Variants in ZNF691 observed in about 807,000 individuals in gnomAD.
The protein encoded by ZNF691 is zinc finger protein 691.
A neutral mutation model predicts 24.1 loss-of-function variants in ZNF691; 11 were observed. The ratio of observed to expected loss-of-function variants is 0.46; its 90% CI spans 0.29 to 0.75. The LOEUF (loss-of-function observed/expected upper bound fraction) is 0.75. ZNF691 is among the 30% of genes least tolerant of loss of function. The probability of loss-of-function intolerance (pLI) is 0.11; values close to 1 mark genes in which losing one functional copy is unlikely to be tolerated. For synonymous variants in ZNF691, 149 were observed against 153.9 expected, an observed-to-expected ratio of 0.97 and a Z score of 0.23; for missense variants, 356 against 409.0, an observed-to-expected ratio of 0.87 and a Z score of 1.12.
At position 42,851,327 on chromosome 1, in the gene ZNF691, A is replaced by G; in HGVS notation, c.462A>G (p.Arg154=). Residue 154 remains arginine (R), a synonymous_variant, in exon 4 of 4, where the codon AGA becomes AGG. Transcript: ENST00000651192. This position sits in a 1 kb window ranked among gnomAD's most constrained non-coding sequence, Gnocchi z 4.7. ...KCSECGKSFS[R]SSNRIRHERI... Reference sequence around the variant, plus strand: ...CTGAATGTGGCAAGAGCTTCTCGAGAAGCTCCAACCGCATCCGGCACGAGC... The same window carrying G: ...CTGAATGTGGCAAGAGCTTCTCGAGGAGCTCCAACCGCATCCGGCACGAGC... The G allele has an allele frequency of 6.2e-7, 1 of 1,613,700 alleles. No individual in the cohort carries two copies. The highest frequency in any genetic ancestry group is 1.3e-5 in the African/African-American group (1 of 74,850).
In ZNF691 at chr1:42,851,631, G is replaced by A; in HGVS notation, c.766G>A (p.Glu256Lys). 1 of 1,613,988 alleles carries A rather than the reference G, an allele frequency of 6.2e-7. No individual in the cohort carries two copies. The highest frequency in any genetic ancestry group is 8.5e-7 in the Non-Finnish European group (1 of 1,179,986). ...HRTHTGERPYECTECGRTFSD... is the reference protein window; with the variant it reads ...HRTHTGERPYKCTECGRTFSD... ...CACCCACACAGGTGAGAGACCTTAT[G>A]AGTGCACTGAGTGTGGGCGGACCTT... The change falls in exon 4 of 4, where the codon GAG becomes AAG. Residue 256 changes from glutamate to lysine, a missense_variant. Glu to Lys is a moderately conservative substitution (Grantham distance 56, BLOSUM62 1). Coordinates refer to ENST00000651192, the MANE Select transcript of ZNF691 (RefSeq NM_001242739.2). The surrounding 1 kb of genome is among the most constrained non-coding windows in gnomAD (Gnocchi z 4.7).
rs745389354 is a variant in ZNF691 at position 42,851,307 on chromosome 1, T to C, written c.442T>C (p.Cys148Arg). 71 of 1,613,932 alleles carry C rather than the reference T, an allele frequency of 4.4e-5. No homozygotes were observed. The highest frequency in any genetic ancestry group is 5.3e-5 in the Non-Finnish European group (63 of 1,180,026). ...TGEKPYKCSE[C>R]GKSFSRSSNR... ...TGAGAAGCCTTACAAGTGTTCTGAA[T>C]GTGGCAAGAGCTTCTCGAGAAGCTC... The change falls in exon 4 of 4, where the codon TGT becomes CGT. Residue 148 changes from cysteine to arginine, a missense_variant. Cys to Arg is a radical substitution (Grantham distance 180, BLOSUM62 -3). Transcript: ENST00000651192. This position sits in a 1 kb window ranked among gnomAD's most constrained non-coding sequence, Gnocchi z 4.7.
chr1:42,851,253 C>G lies in ZNF691; in HGVS notation c.388C>G (p.Leu130Val), dbSNP rs201006442. The G allele has an allele frequency of 3.5e-4, 568 of 1,613,590 alleles. No individual in the cohort carries two copies. Among genetic ancestry groups the G allele is most frequent in the Non-Finnish European group, 4.6e-4 (542 of 1,179,950 alleles). ...CGKTFNNTSN[L>V]RTHQRIHTGE... ...CAAAACCTTCAATAATACCTCCAAC[C>G]TGAGAACACACCAGCGGATCCACAC... Residue 130 changes from leucine (L) to valine (V), a missense_variant, in exon 4 of 4, where the codon CTG becomes GTG. Leu to Val is a conservative substitution (Grantham distance 32). Transcript: ENST00000651192. This position sits in a 1 kb window ranked among gnomAD's most constrained non-coding sequence, Gnocchi z 4.7.
At chr1:42,846,943 C>G (rs1379037996) in intron 1 of ZNF691, among the ~76,000 whole-genome samples, 1 of 152,196 alleles carries the variant, frequency 6.6e-6, no homozygotes, top group Non-Finnish European at 1.5e-5. Context: ...AGCCCCTCCT[C>G]CTCTCCCACC....
In ZNF691 at chr1:42,851,971, C is replaced by T. The variant is rs758944143; in HGVS notation, c.*158C>T. The T allele has an allele frequency of 2.1e-5, 24 of 1,157,438 alleles. No individual in the cohort carries two copies. The South Asian group carries it at 3.2e-4, about 15-fold the overall frequency. 71.7% of individuals were successfully genotyped at this position (1,157,438 alleles called of 1,614,324 possible). A position where few individuals can be genotyped will look rare whatever the true frequency, so the allele number is the denominator to read the frequency against. ...CTCTGAAGTCAGGATCTCAGGAAGT[C>T]CTGAGGAGGGACTCTGGAATAAAAA... On this transcript the variant is annotated 3_prime_UTR_variant, in exon 4 of 4. Transcript: ENST00000651192. This position sits in a 1 kb window ranked among gnomAD's most constrained non-coding sequence, Gnocchi z 4.7.
In ZNF691 at chr1:42,849,318, G is replaced by C. The variant is rs1197741691; in HGVS notation, c.-190G>C. On this transcript the variant is annotated 5_prime_UTR_variant, in exon 2 of 4. Transcript: ENST00000651192. ...CCTGGACGTAGTGTCTTCAACAGTT[G>C]TAACAGCAGCTGCCATTTGCTGAAT... The C allele has an allele frequency of 2.0e-6, 1 of 496,012 alleles. No homozygotes were observed. Among genetic ancestry groups the C allele is most frequent in the Non-Finnish European group, 3.9e-6 (1 of 253,696 alleles). The allele number at this position is 496,012 out of a possible 1,614,324, so 30.7% of individuals were successfully genotyped here.
intron 3 of ZNF691, chr1:42,850,555 AAG>A: frequency 6.8e-7 from 1 of 1,478,470 alleles, no homozygotes; most frequent in Non-Finnish European, 8.9e-7. Context: ...TAAACATAAA[AAG>A]AGTTACAGTT....
chr1:42,851,495 G>A lies in ZNF691; in HGVS notation c.630G>A (p.Gln210=). 6.2e-7 allele frequency: 1 copy of A among 1,614,246 alleles called. No homozygotes were observed. The highest frequency in any genetic ancestry group is 8.5e-7 in the Non-Finnish European group (1 of 1,180,048). The change falls in exon 4 of 4, where the codon CAG becomes CAA. Residue 210 remains glutamine, a synonymous_variant. Transcript: ENST00000651192. This position sits in a 1 kb window ranked among gnomAD's most constrained non-coding sequence, Gnocchi z 4.7. ...ACATCTGTGGCAAGAGCTTCAGCCAGAGTGCCACGCTAGCTGTGCATCACC... is the reference window on the plus strand; with the variant it reads ...ACATCTGTGGCAAGAGCTTCAGCCAAAGTGCCACGCTAGCTGTGCATCACC... The part of the protein sequence containing the change: ...RCDICGKSFS[Q]SATLAVHHRT...
chr1:42,849,638 C>T lies in ZNF691; in HGVS notation c.-21C>T. 1 of 1,531,386 alleles carries T rather than the reference C, an allele frequency of 6.5e-7. No individual in the cohort carries two copies. Among genetic ancestry groups the T allele is most frequent in the Non-Finnish European group, 8.9e-7 (1 of 1,129,188 alleles). The allele number at this position is 1,531,386 out of a possible 1,614,324, so 94.9% of individuals were successfully genotyped here. A position where few individuals can be genotyped will look rare whatever the true frequency, so the allele number is the denominator to read the frequency against. ...CAGTGTCCTATGATAGTTTGTGCTT[C>T]CCTCCCTCATCCCTTTGTTCATGTC... is the stretch of plus-strand genomic sequence containing the variant. On this transcript the variant is annotated 5_prime_UTR_variant, in exon 3 of 4. Transcript: ENST00000651192.
At position 42,850,959 on chromosome 1, in the gene ZNF691, A is replaced by C; in HGVS notation, c.94A>C (p.Met32Leu). Residue 32 changes from methionine to leucine, a missense_variant, in exon 4 of 4, where the codon ATG becomes CTG. Physicochemically the swap from Met to Leu is conservative, Grantham distance 15. Transcript: ENST00000651192. ...TTGTGTTCATTCTCAGGGTTCAGAG[A>C]TGGGCAGTGAGAAGGAGCAGAGTCC... Reference protein sequence around the residue: ...MLPLSSEGSEMGSEKEQSPEP... With the variant: ...MLPLSSEGSELGSEKEQSPEP... 5 of 1,535,508 alleles carry C rather than the reference A, an allele frequency of 3.3e-6. No homozygotes were observed. The highest frequency in any genetic ancestry group is 4.4e-6 in the Non-Finnish European group (5 of 1,145,958).
chr1:42,846,662 G>T lies in ZNF691; in HGVS notation c.-218+5G>T, dbSNP rs1655244256. 1 of 152,502 alleles carries T rather than the reference G, an allele frequency of 6.6e-6. No homozygotes were observed. Among genetic ancestry groups the T allele is most frequent in the Admixed American group, 6.5e-5 (1 of 15,288 alleles). The allele number at this position is 152,502 out of a possible 1,614,324, so 9.4% of individuals were successfully genotyped here. Reference sequence around the variant, plus strand: ...TGATCGAGCGGCGGGAGCGAGGTGGGTCCGGGTTGGGCCCGAGGTCGCGGG... The same window carrying T: ...TGATCGAGCGGCGGGAGCGAGGTGGTTCCGGGTTGGGCCCGAGGTCGCGGG... On this transcript the variant is annotated splice_donor_5th_base_variant and intron_variant, in intron 1 of 3. Coordinates refer to ENST00000651192, the MANE Select transcript of ZNF691 (RefSeq NM_001242739.2).
chr1:42,850,504 A>G (rs1003140483), intron 3 of ZNF691: 12 of 985,454 alleles, frequency 1.2e-5, no homozygotes, highest in East Asian at 1.1e-4. Flanking sequence ...GAAAGCAGGC[A>G]TATAGGTAGA....
At position 42,851,579 on chromosome 1, in the gene ZNF691, C is replaced by T. The variant is rs1169744424; in HGVS notation, c.714C>T (p.Asn238=). ...ICCECGKSFS[N]SSSFGVHHRT... is the part of the protein sequence containing the mutation. ...GTGAGTGTGGGAAGAGCTTCAGCAA[C>T]AGCTCCAGCTTTGGCGTGCATCACC... The change falls in exon 4 of 4, where the codon AAC becomes AAT. Residue 238 remains asparagine, a synonymous_variant. Coordinates refer to ENST00000651192, the MANE Select transcript of ZNF691 (RefSeq NM_001242739.2). This position sits in a 1 kb window ranked among gnomAD's most constrained non-coding sequence, Gnocchi z 4.7. 1.2e-6 allele frequency: 2 copies of T among 1,614,070 alleles called. No homozygotes were observed. The highest frequency in any genetic ancestry group is 1.7e-6 in the Non-Finnish European group (2 of 1,180,044).
chr1:42,848,849 T>C (rs567240542), intron 1 of ZNF691, among the ~76,000 whole-genome samples: 8 of 152,302 alleles, frequency 5.3e-5, no homozygotes, highest in Middle Eastern at 3.4e-3. Context: ...AAACAGTGTC[T>C]AAGTATCAAG....
At chr1:42,849,029 T>C (rs1655309821) in intron 1 of ZNF691, among the ~76,000 whole-genome samples, 1 of 152,232 alleles carries the variant, frequency 6.6e-6, no homozygotes. Flanking sequence ...TTCCTTTATG[T>C]CTTGTCTATG....
At position 42,851,997 on chromosome 1, in the gene ZNF691, C is replaced by T. The variant is rs1193558418; in HGVS notation, c.*184C>T. The T allele has an allele frequency of 4.2e-6, 4 of 961,274 alleles. No homozygotes were observed. The highest frequency in any genetic ancestry group is 6.5e-6 in the Non-Finnish European group (4 of 610,922). The allele number at this position is 961,274 out of a possible 1,614,324, so 59.5% of individuals were successfully genotyped here. A position where few individuals can be genotyped will look rare whatever the true frequency, so the allele number is the denominator to read the frequency against. ...CTGAGGAGGGACTCTGGAATAAAAA[C>T]CCTTGCCTCTTTCCAGGCCAATTTC... is the stretch of plus-strand genomic sequence containing the variant. On this transcript the variant is annotated 3_prime_UTR_variant, in exon 4 of 4. Transcript: ENST00000651192. The surrounding 1 kb of genome is among the most constrained non-coding windows in gnomAD (Gnocchi z 4.7).
rs1655395044 is a variant in ZNF691 at position 42,851,589 on chromosome 1, T to C, written c.724T>C (p.Phe242Leu). 6.2e-7 allele frequency: 1 copy of C among 1,614,084 alleles called. No homozygotes were observed. Among genetic ancestry groups the C allele is most frequent in the African/African-American group, 1.3e-5 (1 of 75,008 alleles). The change falls in exon 4 of 4, where the codon TTT becomes CTT. Residue 242 changes from phenylalanine to leucine, a missense_variant. Phe to Leu is a conservative substitution (Grantham distance 22). Transcript: ENST00000651192. The surrounding 1 kb of genome is among the most constrained non-coding windows in gnomAD (Gnocchi z 4.7). ...GAAGAGCTTCAGCAACAGCTCCAGC[T>C]TTGGCGTGCATCACCGCACCCACAC... ...CGKSFSNSSS[F>L]GVHHRTHTGE...
chr1:42,851,770 A>G lies in ZNF691; in HGVS notation c.905A>G (p.Gln302Arg). ...FSRSSNLIRH[Q>R]KTHLGEQAGK... is the part of the protein sequence containing the mutation. ...CGGAGCTCGAATCTCATCCGCCACC[A>G]GAAAACTCACTTGGGCGAACAGGCT... is the stretch of plus-strand genomic sequence containing the variant. The change falls in exon 4 of 4, where the codon CAG (glutamine) becomes CGG (arginine). Residue 302 changes from glutamine to arginine, a missense_variant. Gln to Arg is a conservative substitution (Grantham distance 43). Coordinates refer to ENST00000651192, the MANE Select transcript of ZNF691 (RefSeq NM_001242739.2). The surrounding 1 kb of genome is among the most constrained non-coding windows in gnomAD (Gnocchi z 4.7). 1 of 1,614,230 alleles carries G rather than the reference A, an allele frequency of 6.2e-7. No homozygotes were observed. Among genetic ancestry groups the G allele is most frequent in the Non-Finnish European group, 8.5e-7 (1 of 1,180,014 alleles).
rs781763675 is a variant in ZNF691, at chr1:42,851,003, G to A, written c.138G>A (p.Glu46=). The part of the protein sequence containing the change: ...KEQSPEPHLP[E]EGEGGKPWRV... ...AGAGTCCAGAACCACACCTGCCTGA[G>A]GAAGGGGAAGGGGGTAAGCCTTGGA... Residue 46 remains glutamate, a synonymous_variant, in exon 4 of 4, where the codon GAG becomes GAA. Transcript: ENST00000651192. The surrounding 1 kb of genome is among the most constrained non-coding windows in gnomAD (Gnocchi z 4.7). 4.5e-6 allele frequency: 7 copies of A among 1,545,654 alleles called. No individual in the cohort carries two copies. The South Asian group carries it at 8.9e-5, about 20-fold the overall frequency.
Sources: gnomAD v4.1 joint callset for allele counts (sites outside exome capture counted in the v4.1 genomes callset) on GRCh38, gnomAD v4.1.1 for gene constraint, Gnocchi (gnomAD v3.1) non-coding constraint, MANE v1.5 for transcripts, NCBI Gene and HGNC (gene_info 2026-07-23, HGNC 2026-07-21) for gene names.